The following COA1 variants were observed in gnomAD, a reference collection of about 807,000 sequenced individuals.
COA1 encodes the protein cytochrome c oxidase assembly factor 1, also known as cytochrome c oxidase assembly factor 1 homolog.
In COA1, 13 loss-of-function variants were observed where a neutral mutation model predicts 16.0. The ratio of observed to expected loss-of-function variants is 0.81; its 90% CI spans 0.53 to 1.29. COA1 has a LOEUF of 1.29. COA1 is among the 50% of genes most tolerant of loss of function. COA1 has a pLI of 0.00. For missense variants in COA1, 179 were observed against 177.0 expected (o/e 1.01, Z -0.06); for synonymous variants, 65 against 65.7 (o/e 0.99, Z 0.05).
At chr7:43,651,583 C>A (rs889542604) in intron 1 of COA1, among the ~76,000 whole-genome samples, 1 of 150,800 alleles carries the variant, frequency 6.6e-6, no homozygotes, top group African/African-American at 2.4e-5. Context: ...ATCAACAGAA[C>A]AGCCAGGGAG....
At chr7:43,706,223 A>G (rs1734194324) in intron 1 of COA1, among the ~76,000 whole-genome samples, 1 of 152,224 alleles carries the variant, frequency 6.6e-6, no homozygotes, top group African/African-American at 2.4e-5. Flanking sequence ...TTGATTCAAA[A>G]GCTAAAAAAG....
intron 1 of COA1, among the ~76,000 whole-genome samples, chr7:43,662,354 C>A (rs1162030289): frequency 6.6e-6 from 1 of 152,214 alleles, no homozygotes; most frequent in Non-Finnish European, 1.5e-5. Context: ...CTCAGCCTCC[C>A]AAATAGCTGG....
downstream of COA1, chr7:43,638,667 C>T (rs1366507175): frequency 1.3e-5 from 2 of 150,150 alleles, no homozygotes; most frequent in Non-Finnish European, 2.9e-5. Context: ...CCTCTGCCTC[C>T]TGGATTCAAG....
intron 1 of COA1, among the ~76,000 whole-genome samples, chr7:43,698,680 T>C (rs897768323): frequency 1.3e-5 from 2 of 152,208 alleles, no homozygotes; most frequent in Non-Finnish European, 2.9e-5. Context: ...TTTGTATAAA[T>C]TGTTAGTGGC....
At chr7:43,703,470 C>T (rs953988731) in intron 1 of COA1, among the ~76,000 whole-genome samples, 2 of 152,136 alleles carry the variant, frequency 1.3e-5, no homozygotes, top group Non-Finnish European at 2.9e-5. Flanking sequence ...ATCTAAGTTT[C>T]TTTGCAGGTC....
chr7:43,690,123 G>A (rs191403708), intron 1 of COA1, among the ~76,000 whole-genome samples: 5 of 152,276 alleles, frequency 3.3e-5, no homozygotes, highest in African/African-American at 9.6e-5. Flanking sequence ...TGTGGATGCA[G>A]TGAAAAGGGA....
intron 1 of COA1, among the ~76,000 whole-genome samples, chr7:43,700,875 C>T (rs987522110): frequency 1.3e-4 from 19 of 151,948 alleles, no homozygotes; most frequent in Non-Finnish European, 2.4e-4. Flanking sequence ...AGACTTCCCT[C>T]GACTCACAGC....
At chr7:43,628,389 G>C (rs930179678) in intron 6 of COA1, among the ~76,000 whole-genome samples, 1 of 152,094 alleles carries the variant, frequency 6.6e-6, no homozygotes, top group Non-Finnish European at 1.5e-5. Flanking sequence ...GTTTCTGTGG[G>C]GCTATTATAA....
At chr7:43,727,817 A>G (rs909275476) in intron 1 of COA1, among the ~76,000 whole-genome samples, 10 of 152,222 alleles carry the variant, frequency 6.6e-5, no homozygotes, top group African/African-American at 2.4e-4. Context: ...GCAGCATATT[A>G]AACATGAACA....
chr7:43,631,804 CAAGT>C (rs1456553999), intron 6 of COA1: 10 of 152,302 alleles, frequency 6.6e-5, no homozygotes, highest in African/African-American at 2.2e-4. Flanking sequence ...CAAATACAAG[CAAGT>C]AAGTCACATG....
chr7:43,723,702 G>A (rs563129473), intron 1 of COA1, among the ~76,000 whole-genome samples: 4 of 152,204 alleles, frequency 2.6e-5, no homozygotes, highest in South Asian at 4.1e-4. Flanking sequence ...TGAGGTGGGC[G>A]GATCGCTTGA....
chr7:43,691,417 A>AGGAAGGAAGGAAGGAAGAG (rs2094342398), intron 1 of COA1, among the ~76,000 whole-genome samples: 1 of 103,018 alleles, frequency 9.7e-6, no homozygotes. Flanking sequence ...GGAAGGAAGA[A>AGGAAGGAAGGAAGGAAGAG]AGAAAAAGAA....
chr7:43,639,089 C>T (rs553162483), downstream of COA1: 42 of 152,382 alleles, frequency 2.8e-4, no homozygotes, highest in African/African-American at 1.0e-3. Context: ...AGCTACTTAA[C>T]AACATGAATT....
intron 1 of COA1, among the ~76,000 whole-genome samples, chr7:43,712,206 G>A (rs1485531652): frequency 6.6e-6 from 1 of 151,838 alleles, no homozygotes; most frequent in East Asian, 1.9e-4. Context: ...TCCACCTCCC[G>A]GGTTCAAGTG....
chr7:43,637,853 AC>A (rs1406750050), downstream of COA1, among the ~76,000 whole-genome samples: 10 of 152,360 alleles, frequency 6.6e-5, no homozygotes, highest in Admixed American at 1.3e-4. Context: ...CAGATGGCCA[AC>A]CTAAGCCCTG....
intron 1 of COA1, among the ~76,000 whole-genome samples, chr7:43,677,291 C>G (rs1225589529): frequency 6.6e-6 from 1 of 152,136 alleles, no homozygotes; most frequent in African/African-American, 2.4e-5. Flanking sequence ...TTTAAAACAT[C>G]TGGGAAAGAA....
chr7:43,705,718 A>G (rs1316756597), intron 1 of COA1, among the ~76,000 whole-genome samples: 4 of 152,222 alleles, frequency 2.6e-5, no homozygotes, highest in Admixed American at 2.6e-4. Flanking sequence ...CATGCAGGCT[A>G]GAGTTCCATC....
intron 5 of COA1, 55 bp from the exon 6 acceptor site, chr7:43,639,736 C>T (rs1160526865): frequency 4.9e-6 from 7 of 1,416,586 alleles, no homozygotes; most frequent in Middle Eastern, 1.8e-4. Context: ...AGGCAACAGC[C>T]GTAGTCAAAA....
chr7:43,620,646 C>G (rs2083786220), intron 6 of COA1, among the ~76,000 whole-genome samples: 1 of 151,296 alleles, frequency 6.6e-6, no homozygotes, highest in Non-Finnish European at 1.5e-5. Flanking sequence ...TGCACTCCAG[C>G]CTGGGCGACA....
Sources: gnomAD v4.1 joint callset for allele counts (sites outside exome capture counted in the v4.1 genomes callset) on GRCh38, gnomAD v4.1.1 for gene constraint, MANE v1.5 for transcripts, NCBI Gene and HGNC (gene_info 2026-07-23, HGNC 2026-07-21) for gene names.